ACYP2: variants seen among roughly 807,000 people sequenced by gnomAD.
The protein encoded by ACYP2 is acylphosphatase 2.
In ACYP2, 12 loss-of-function variants were observed where a neutral mutation model predicts 11.2. The observed-to-expected ratio is 1.08, with a 90% CI of 0.69 to 1.74. The LOEUF (loss-of-function observed/expected upper bound fraction) is 1.74, where lower values mean the gene tolerates loss of function less well. ACYP2 is among the 40% of genes most tolerant of loss of function. ACYP2 has a pLI of 0.00. For missense variants in ACYP2, 134 were observed against 101.9 expected (o/e 1.31, Z -1.35); for synonymous variants, 43 against 32.2 (o/e 1.33, Z -1.13).
chr2:54,039,819 TTGTGTGTGTGTGTGTGTG>T (rs751604890), intron 2 of ACYP2, among the ~76,000 whole-genome samples: 23 of 126,686 alleles, frequency 1.8e-4, no homozygotes, highest in South Asian at 6.0e-4. Flanking sequence ...TTGTTTTCTT[TTGTGTGTGTGTGTGTGTG>T]TGTGTGTGTG....
intron 6 of ACYP2, among the ~76,000 whole-genome samples, chr2:54,223,485 T>G (rs962064632): frequency 1.3e-5 from 2 of 152,194 alleles, no homozygotes; most frequent in African/African-American, 4.8e-5. Flanking sequence ...TCAGAGTGAA[T>G]TTTAGGAGCT....
intron 6 of ACYP2, among the ~76,000 whole-genome samples, chr2:54,298,207 T>G (rs1689593710): frequency 6.6e-6 from 1 of 152,148 alleles, no homozygotes; most frequent in Admixed American, 6.5e-5. Context: ...TATGCACAAA[T>G]TTAGTGTAAC....
intron 6 of ACYP2, among the ~76,000 whole-genome samples, chr2:54,230,820 C>CT (rs1356646902): frequency 4.9e-5 from 7 of 142,952 alleles, no homozygotes; most frequent in African/African-American, 1.9e-4. Flanking sequence ...CAATGTATTT[C>CT]TTTCTTTTCT....
intron 2 of ACYP2, among the ~76,000 whole-genome samples, chr2:54,043,515 C>G (rs1558490692): frequency 6.6e-6 from 1 of 152,160 alleles, no homozygotes. Context: ...AATGAAAAAT[C>G]TATCTATAAT....
chr2:54,097,735 A>G (rs1231796783), intron 4 of ACYP2, among the ~76,000 whole-genome samples: 2 of 151,402 alleles, frequency 1.3e-5, no homozygotes, highest in African/African-American at 2.4e-5. Flanking sequence ...CAAATCTGAG[A>G]CGTCATGTTA....
rs76397255 is a variant in ACYP2 at position 54,255,566 on chromosome 2, GGGGCCCGGGCCC to G, written c.405-49115_405-49104del. On this transcript the variant is annotated intron_variant, in intron 6 of 6. Transcript: ENST00000607452. The stretch of plus-strand genomic sequence containing the variant: ...GGGTTCAGGTGGAGACCCACGTTCA[GGGGCCCGGGCCC>G]GGGCCCAGGCCCTGCCTCCCTGTTT... The G allele has an allele frequency of 3.7e-6, 6 of 1,612,796 alleles. No homozygotes were observed. The Admixed American group carries it at 8.3e-5, about 22-fold the overall frequency.
intron 6 of ACYP2, chr2:54,142,659 G>A (rs1353450437): frequency 1.3e-5 from 2 of 152,076 alleles, no homozygotes; most frequent in Non-Finnish European, 1.5e-5. Context: ...GGAGGCAGAG[G>A]TTGCAATGAG....
At chr2:54,057,105 G>C in intron 3 of ACYP2, 1 of 388,914 alleles carries the variant, frequency 2.6e-6, no homozygotes, top group Non-Finnish European at 4.5e-6. Flanking sequence ...GATAGGGAAG[G>C]GATATGAATT....
At chr2:54,213,770 CT>C (rs1260466398) in intron 6 of ACYP2, among the ~76,000 whole-genome samples, 1 of 147,500 alleles carries the variant, frequency 6.8e-6, no homozygotes, top group Non-Finnish European at 1.5e-5. Flanking sequence ...CCCACACCCC[CT>C]ACTTTTTTTT....
chr2:53,997,498 G>A lies in ACYP2; in HGVS notation c.62+23688G>A, dbSNP rs140490110. ...TTTTTGTATTTTTAGTAGAGAGAGG[G>A]TTTCACCATGTTGGTCAGGCTGATC... On this transcript the variant is annotated intron_variant, in intron 2 of 6. Transcript: ENST00000607452. 6.8e-3 allele frequency among the ~76,000 whole-genome samples: 1,036 copies of A among 152,060 alleles called. 4 individuals are homozygous for A. The highest frequency in any genetic ancestry group is 0.011 in the Non-Finnish European group (773 of 67,988).
chr2:54,067,016 T>C (rs1676785855), intron 4 of ACYP2, among the ~76,000 whole-genome samples: 1 of 152,254 alleles, frequency 6.6e-6, no homozygotes, highest in Non-Finnish European at 1.5e-5. Flanking sequence ...GGCAGATCAG[T>C]TGACATGTCA....
At chr2:54,247,571 CATA>C (rs1471027467) in intron 6 of ACYP2, among the ~76,000 whole-genome samples, 2 of 152,096 alleles carry the variant, frequency 1.3e-5, no homozygotes, top group South Asian at 2.1e-4. Context: ...AAGAAATTGT[CATA>C]ATATTTATTA....
In ACYP2 at chr2:54,089,488, C is replaced by T. The variant is rs965208325; in HGVS notation, c.277+32128C>T. Among the ~76,000 whole-genome samples, 18 of 152,068 alleles carry T rather than the reference C, an allele frequency of 1.2e-4. No homozygotes were observed. The East Asian group carries it at 1.7e-3, about 15-fold the overall frequency. ...TATGGCTGGTGCAGTGGCTCACTCTCGTAATCTCAGCACTTTGGGAGGCTG... is the reference window on the plus strand; with the variant it reads ...TATGGCTGGTGCAGTGGCTCACTCTTGTAATCTCAGCACTTTGGGAGGCTG... On this transcript the variant is annotated intron_variant, in intron 4 of 6. Transcript: ENST00000607452.
At chr2:54,049,786 T>A (rs1675734663) in intron 2 of ACYP2, among the ~76,000 whole-genome samples, 1 of 152,232 alleles carries the variant, frequency 6.6e-6, no homozygotes, top group African/African-American at 2.4e-5. Flanking sequence ...TGGGAGCTCT[T>A]TCAGATTGGC....
chr2:54,115,374 C>G, intron 4 of ACYP2: 1 of 535,170 alleles, frequency 1.9e-6, no homozygotes, highest in Non-Finnish European at 3.2e-6. Context: ...CTTTTATTTA[C>G]TAACTTTGAG....
At chr2:54,021,972 A>T (rs1674029641) in intron 2 of ACYP2, among the ~76,000 whole-genome samples, 1 of 152,104 alleles carries the variant, frequency 6.6e-6, no homozygotes, top group African/African-American at 2.4e-5. Context: ...TGAGCCAAGT[A>T]AAAAAATAAA....
chr2:54,113,271 G>A (rs111776995), intron 4 of ACYP2, among the ~76,000 whole-genome samples: 3 of 147,550 alleles, frequency 2.0e-5, no homozygotes, highest in South Asian at 2.1e-4. Context: ...ACAGGGTCTC[G>A]CTCTGTCACC....
At chr2:54,146,145 TA>T (rs1303134357) in intron 6 of ACYP2, among the ~76,000 whole-genome samples, 1 of 152,224 alleles carries the variant, frequency 6.6e-6, no homozygotes, top group African/African-American at 2.4e-5. Flanking sequence ...ATGCCAAAAA[TA>T]ATCTCACACT....
intron 2 of ACYP2, among the ~76,000 whole-genome samples, chr2:53,987,006 T>A (rs1378035597): frequency 2.0e-5 from 3 of 152,106 alleles, no homozygotes; most frequent in East Asian, 1.9e-4. Flanking sequence ...TACACAGTAA[T>A]GAGAATGAAA....
Sources: gnomAD v4.1 joint callset for allele counts (sites outside exome capture counted in the v4.1 genomes callset) on GRCh38, gnomAD v4.1.1 for gene constraint, MANE v1.5 for transcripts, NCBI Gene and HGNC (gene_info 2026-07-23, HGNC 2026-07-21) for gene names.